The following GRIA1 variants were observed in gnomAD, a reference collection of about 807,000 sequenced individuals.
GRIA1 encodes glutamate receptor 1.
Under a neutral mutation model 99.2 loss-of-function variants are expected in GRIA1, and 31 were observed. The ratio of observed to expected loss-of-function variants is 0.31; its 90% CI spans 0.23 to 0.42. GRIA1 has a LOEUF of 0.42. Among genes scored for constraint, GRIA1 ranks in the 10% least tolerant of loss-of-function variants. GRIA1 has a pLI of 1.00. For synonymous variants in GRIA1, 438 were observed against 432.4 expected, an observed-to-expected ratio of 1.01 and a Z score of -0.16; for missense variants, 782 against 1,157.5, an observed-to-expected ratio of 0.68 and a Z score of 4.71.
intron 2 of GRIA1, among the ~76,000 whole-genome samples, chr5:153,625,140 G>A (rs1767471931): frequency 6.6e-6 from 1 of 152,084 alleles, no homozygotes; most frequent in South Asian, 2.1e-4. Context: ...CTGAAGCTTA[G>A]CTGTGTGCTC....
intron 11 of GRIA1, among the ~76,000 whole-genome samples, chr5:153,738,732 T>C (rs1281079044): frequency 6.7e-6 from 1 of 148,286 alleles, no homozygotes; most frequent in African/African-American, 2.5e-5. Flanking sequence ...TTTTTTTTTT[T>C]TTTTTTGGAG....
intron 13 of GRIA1, among the ~76,000 whole-genome samples, chr5:153,778,651 C>CCACACACACA (rs57534899): frequency 1.4e-5 from 2 of 147,288 alleles, no homozygotes; most frequent in Admixed American, 6.8e-5. Flanking sequence ...TCACCCCCCA[C>CCACACACACA]CACACACACA....
chr5:153,739,826 T>C (rs1761653182), intron 11 of GRIA1, among the ~76,000 whole-genome samples: 1 of 152,248 alleles, frequency 6.6e-6, no homozygotes, highest in Non-Finnish European at 1.5e-5. Context: ...TTTTTTAATC[T>C]GCCATAGCTT....
At chr5:153,755,974 C>A (rs531266413) in intron 11 of GRIA1, among the ~76,000 whole-genome samples, 2 of 152,226 alleles carry the variant, frequency 1.3e-5, no homozygotes, top group Admixed American at 6.5e-5. Flanking sequence ...GAGCCTGCAA[C>A]CAAAACCATC....
rs574361394 is a variant in GRIA1, at chr5:153,627,222, G to A, written c.221-19706G>A. Among the ~76,000 whole-genome samples the A allele has an allele frequency of 4.6e-5, 7 of 152,316 alleles. No homozygotes were observed. In the South Asian group the frequency reaches 1.4e-3, roughly 32 times the overall value. ...CAATAGTAGTCATTTACAGGGCCAG[G>A]AACTGTGCAAAAACACGTTTTACAT... is the stretch of plus-strand genomic sequence containing the variant. On this transcript the variant is annotated intron_variant, in intron 2 of 15. Coordinates refer to ENST00000285900, the MANE Select transcript of GRIA1 (RefSeq NM_000827.4).
chr5:153,803,042 G>A (rs1467781483), intron 15 of GRIA1, among the ~76,000 whole-genome samples: 1 of 152,150 alleles, frequency 6.6e-6, no homozygotes, highest in Non-Finnish European at 1.5e-5. Flanking sequence ...GAACTGTGGA[G>A]GATTTAAGAG....
At chr5:153,530,406 C>A (rs948221269) in intron 2 of GRIA1, among the ~76,000 whole-genome samples, 1 of 152,222 alleles carries the variant, frequency 6.6e-6, no homozygotes, top group African/African-American at 2.4e-5. Flanking sequence ...ACCAAGGAGT[C>A]TAACTCCTCT....
At chr5:153,684,055 C>T (rs1235504981) in intron 7 of GRIA1, among the ~76,000 whole-genome samples, 3 of 152,120 alleles carry the variant, frequency 2.0e-5, no homozygotes, top group Non-Finnish European at 2.9e-5. Context: ...GTGAAGATAC[C>T]AGAAGTTACC....
At chr5:153,739,303 T>A (rs1341716268) in intron 11 of GRIA1, among the ~76,000 whole-genome samples, 4 of 152,148 alleles carry the variant, frequency 2.6e-5, no homozygotes, top group Non-Finnish European at 5.9e-5. Context: ...GTTTTTGTTA[T>A]TTTCTCTGCC....
intron 14 of GRIA1, among the ~76,000 whole-genome samples, chr5:153,796,068 C>A (rs1247268790): frequency 6.8e-6 from 1 of 147,212 alleles, no homozygotes; most frequent in Non-Finnish European, 1.5e-5. Flanking sequence ...TGATCCCTCA[C>A]CTTTATTTTA....
At chr5:153,621,473 G>GT (rs57293833) in intron 2 of GRIA1, among the ~76,000 whole-genome samples, 27,754 of 152,050 alleles carry the variant, frequency 0.18, 3,763 homozygotes, top group East Asian at 0.77. Flanking sequence ...AGAAATTAAA[G>GT]TTTAGTACAT....
chr5:153,699,980 G>A (rs1183552990), intron 10 of GRIA1, among the ~76,000 whole-genome samples: 1 of 152,194 alleles, frequency 6.6e-6, no homozygotes, highest in African/African-American at 2.4e-5. Flanking sequence ...TGAGAAAATA[G>A]TAAAAGGTAG....
chr5:153,762,369 G>T (rs1763242350), intron 11 of GRIA1, among the ~76,000 whole-genome samples: 1 of 152,166 alleles, frequency 6.6e-6, no homozygotes, highest in Non-Finnish European at 1.5e-5. Context: ...TGGTCATCCA[G>T]AGTTGGGAAA....
At chr5:153,498,922 A>G (rs1381496230) in intron 2 of GRIA1, among the ~76,000 whole-genome samples, 9 of 152,184 alleles carry the variant, frequency 5.9e-5, no homozygotes, top group South Asian at 2.1e-4. Context: ...AAGTAGGCCA[A>G]TCTACTCATA....
intron 11 of GRIA1, among the ~76,000 whole-genome samples, chr5:153,738,782 G>T (rs549814609): frequency 1.4e-5 from 2 of 142,952 alleles, no homozygotes; most frequent in Non-Finnish European, 3.0e-5. Flanking sequence ...AAATGCAATG[G>T]TGCGATCTCG....
intron 2 of GRIA1, among the ~76,000 whole-genome samples, chr5:153,585,201 C>T (rs1030346269): frequency 6.6e-6 from 1 of 151,882 alleles, no homozygotes; most frequent in African/African-American, 2.4e-5. Context: ...GGCACCAAAG[C>T]TCTATGTGAC....
chr5:153,500,570 T>TTCTC (rs3064315), intron 2 of GRIA1, among the ~76,000 whole-genome samples: 58 of 129,152 alleles, frequency 4.5e-4, no homozygotes, highest in African/African-American at 1.6e-3. Flanking sequence ...CTGCCTCTCT[T>TTCTC]TCTCTCTCTC....
intron 2 of GRIA1, among the ~76,000 whole-genome samples, chr5:153,574,771 G>A (rs1282184452): frequency 6.6e-6 from 1 of 152,100 alleles, no homozygotes; most frequent in Non-Finnish European, 1.5e-5. Flanking sequence ...ATGGGAGTGA[G>A]AGAAGAAACC....
At chr5:153,733,270 T>C (rs1271825066) in intron 11 of GRIA1, among the ~76,000 whole-genome samples, 3 of 152,034 alleles carry the variant, frequency 2.0e-5, no homozygotes, top group Non-Finnish European at 4.4e-5. Context: ...TTCAAATAGG[T>C]TCAAATAGAT....
Sources: allele counts gnomAD v4.1 joint callset (sites outside exome capture counted in the v4.1 genomes callset), GRCh38; gene constraint gnomAD v4.1.1; transcripts MANE v1.5; gene names NCBI Gene and HGNC (gene_info 2026-07-23, HGNC 2026-07-21).